The following CCDC15 variants were observed in gnomAD, a reference collection of about 807,000 sequenced individuals.
CCDC15 encodes the protein coiled-coil domain containing 15.
CCDC15 carries 105 observed loss-of-function variants against 114.5 expected under a neutral mutation model. The ratio of observed to expected loss-of-function variants is 0.92; its 90% CI spans 0.78 to 1.08. The LOEUF (loss-of-function observed/expected upper bound fraction) is 1.08. CCDC15 is among the 50% of genes least tolerant of loss of function. CCDC15 has a pLI of 0.00. For missense variants in CCDC15, 1,105 were observed against 1,093.6 expected, an observed-to-expected ratio of 1.01 and a Z score of -0.15; for synonymous variants, 334 against 377.8, an observed-to-expected ratio of 0.88 and a Z score of 1.34.
At chr11:125,038,245 A>G in intron 13 of CCDC15, 186 bp from the exon 14 acceptor site, 1 of 450,686 alleles carries the variant, frequency 2.2e-6, no homozygotes, top group East Asian at 3.8e-5. Flanking sequence ...AATAGTAGCC[A>G]TTGCTCATTT....
At position 125,038,583 on chromosome 11, in the gene CCDC15, A is replaced by C. The variant is rs1948792665; in HGVS notation, c.2564A>C (p.Gln855Pro). The change falls in exon 14 of 16, where the codon CAG (glutamine) becomes CCG (proline). Residue 855 changes from glutamine to proline, a missense_variant. By Grantham distance (76) the Gln-to-Pro change is moderately conservative. Coordinates refer to ENST00000344762, the MANE Select transcript of CCDC15 (RefSeq NM_025004.3). ...QEIKGTREKQQREKEYLRYVE... is the reference protein window; with the variant it reads ...QEIKGTREKQPREKEYLRYVE... ...ATAAAAGGAACCAGAGAAAAACAAC[A>C]GAGAGAAAAAGAATACCTGAGGTAA... 1.9e-6 allele frequency: 3 copies of C among 1,569,436 alleles called. No homozygotes were observed. Among genetic ancestry groups the C allele is most frequent in the Non-Finnish European group, 2.6e-6 (3 of 1,160,888 alleles).
chr11:125,002,410 C>T (rs1345543892), intron 11 of CCDC15, among the ~76,000 whole-genome samples: 3 of 151,990 alleles, frequency 2.0e-5, no homozygotes, highest in Admixed American at 1.3e-4. Flanking sequence ...TGATAAAATC[C>T]GATTTGTCTA....
intron 8 of CCDC15, among the ~76,000 whole-genome samples, chr11:124,990,990 A>G (rs969016727): frequency 2.6e-5 from 4 of 152,202 alleles, no homozygotes; most frequent in Admixed American, 6.5e-5. Context: ...AAGGTGCTCA[A>G]TTATATTCTG....
At chr11:125,011,893 G>C (rs566550194) in intron 13 of CCDC15, among the ~76,000 whole-genome samples, 1 of 152,282 alleles carries the variant, frequency 6.6e-6, no homozygotes, top group East Asian at 1.9e-4. Flanking sequence ...TTACATGCAG[G>C]AACATGAGTG....
chr11:124,979,967 G>T (rs1413754464), intron 6 of CCDC15, among the ~76,000 whole-genome samples: 1 of 152,074 alleles, frequency 6.6e-6, no homozygotes, highest in Non-Finnish European at 1.5e-5. Flanking sequence ...CTCGTTTGTT[G>T]AGGGTTTTTA....
intron 2 of CCDC15, among the ~76,000 whole-genome samples, chr11:124,955,716 C>T (rs1368086511): frequency 6.6e-6 from 1 of 152,164 alleles, no homozygotes; most frequent in African/African-American, 2.4e-5. Flanking sequence ...CCTCAGTGTA[C>T]TTGATCTCAG....
chr11:124,975,059 C>T (rs1469294922), intron 4 of CCDC15, 37 bp from the exon 5 acceptor site: 1 of 1,347,146 alleles, frequency 7.4e-7, no homozygotes, highest in Non-Finnish European at 1.0e-6. Flanking sequence ...AAAACTTATC[C>T]TGCTTTTGTT....
At chr11:124,984,456 C>T (rs1051031729) in intron 6 of CCDC15, among the ~76,000 whole-genome samples, 13 of 152,146 alleles carry the variant, frequency 8.5e-5, no homozygotes, top group East Asian at 3.9e-4. Flanking sequence ...CGGGCAAGAT[C>T]GCCCTGCACT....
chr11:125,040,889 C>A lies in CCDC15; in HGVS notation c.*178C>A. 1 of 622,310 alleles carries A rather than the reference C, an allele frequency of 1.6e-6. No homozygotes were observed. The highest frequency in any genetic ancestry group is 2.7e-6 in the Non-Finnish European group (1 of 366,630). 38.5% of individuals were successfully genotyped at this position (622,310 alleles called of 1,614,324 possible). A position where few individuals can be genotyped will look rare whatever the true frequency, so the allele number is the denominator to read the frequency against. On this transcript the variant is annotated 3_prime_UTR_variant, in exon 16 of 16. Coordinates refer to ENST00000344762, the MANE Select transcript of CCDC15 (RefSeq NM_025004.3). Reference sequence around the variant, plus strand: ...TCTGTCTGGGAACCAAGATTGAAAGCTGACTTACTTCTCTCTTCTGTCTTG... The same window carrying A: ...TCTGTCTGGGAACCAAGATTGAAAGATGACTTACTTCTCTCTTCTGTCTTG...
chr11:125,014,815 A>C (rs1948617579), intron 13 of CCDC15, among the ~76,000 whole-genome samples: 1 of 152,182 alleles, frequency 6.6e-6, no homozygotes, highest in Admixed American at 6.5e-5. Flanking sequence ...ATATGACCCA[A>C]CCAATTTATG....
At chr11:125,004,078 A>G (rs1948521993) in intron 12 of CCDC15, 119 bp downstream of exon 12, 2 of 480,686 alleles carry the variant, frequency 4.2e-6, no homozygotes, top group Admixed American at 4.4e-5. Context: ...CACAAATTTC[A>G]TAAATCAAAT....
intron 13 of CCDC15, among the ~76,000 whole-genome samples, chr11:125,014,009 AC>A (rs767771018): frequency 2.6e-5 from 4 of 152,146 alleles, no homozygotes; most frequent in East Asian, 3.9e-4. Flanking sequence ...GTCTAAGAAA[AC>A]ATGAAGGCTA....
intron 13 of CCDC15, among the ~76,000 whole-genome samples, chr11:125,025,776 T>G (rs1948698266): frequency 6.6e-6 from 1 of 152,116 alleles, no homozygotes; most frequent in Non-Finnish European, 1.5e-5. Context: ...TTCTATTATA[T>G]TTTTGATATA....
chr11:124,980,199 A>G (rs1359677861), intron 6 of CCDC15, among the ~76,000 whole-genome samples: 2 of 152,156 alleles, frequency 1.3e-5, no homozygotes, highest in Non-Finnish European at 2.9e-5. Flanking sequence ...TTTTGCATCT[A>G]TGTTTATCAA....
chr11:125,001,363 C>G (rs1396417819), intron 11 of CCDC15, among the ~76,000 whole-genome samples: 1 of 152,186 alleles, frequency 6.6e-6, no homozygotes, highest in Non-Finnish European at 1.5e-5. Flanking sequence ...AGTGAATAGG[C>G]AAATTTGCAA....
intron 11 of CCDC15, among the ~76,000 whole-genome samples, chr11:125,000,806 G>A (rs1331337975): frequency 6.6e-6 from 1 of 152,118 alleles, no homozygotes; most frequent in African/African-American, 2.4e-5. Flanking sequence ...ATATAAAGTT[G>A]TTACAAACAC....
intron 13 of CCDC15, among the ~76,000 whole-genome samples, chr11:125,009,334 T>C (rs1340890585): frequency 6.6e-6 from 1 of 152,194 alleles, no homozygotes; most frequent in Non-Finnish European, 1.5e-5. Flanking sequence ...ATATGTGTAA[T>C]AGTTTGAAAT....
chr11:125,028,267 T>C (rs1469360760), intron 13 of CCDC15, among the ~76,000 whole-genome samples: 1 of 152,162 alleles, frequency 6.6e-6, no homozygotes, highest in Admixed American at 6.5e-5. Context: ...TTCATATGAA[T>C]GTTAGCATTG....
intron 11 of CCDC15, among the ~76,000 whole-genome samples, chr11:125,002,759 T>C (rs759511985): frequency 3.7e-4 from 57 of 152,260 alleles, no homozygotes; most frequent in Middle Eastern, 3.4e-3. Context: ...ATCTATAGCA[T>C]ATCTATCCTT....
Sources: gnomAD v4.1 joint callset for allele counts (sites outside exome capture counted in the v4.1 genomes callset) on GRCh38, gnomAD v4.1.1 for gene constraint, MANE v1.5 for transcripts, NCBI Gene and HGNC (gene_info 2026-07-23, HGNC 2026-07-21) for gene names.